ENKUR: variants seen among roughly 807,000 people sequenced by gnomAD.
ENKUR encodes the protein enkurin, TRPC channel interacting protein, also known as enkurin.
A neutral mutation model predicts 27.6 loss-of-function variants in ENKUR; 19 were observed. That is an observed-to-expected ratio of 0.69 (90% CI 0.48 to 1.01). ENKUR has a LOEUF of 1.01. Among genes scored for constraint, ENKUR ranks in the 50% least tolerant of loss-of-function variants. The pLI is 0.00. For missense variants in ENKUR, 312 were observed against 310.5 expected, an observed-to-expected ratio of 1.00 and a Z score of -0.04; for synonymous variants, 117 against 96.9, an observed-to-expected ratio of 1.21 and a Z score of -1.22.
intron 2 of ENKUR, chr10:25,021,738 A>G (rs1451408723): frequency 2.6e-5 from 4 of 152,194 alleles, no homozygotes; most frequent in African/African-American, 7.2e-5. Context: ...TTTTTCCATT[A>G]TAGACTCCAC....
intron 3 of ENKUR, among the ~76,000 whole-genome samples, chr10:24,994,188 A>C (rs1299846761): frequency 6.6e-6 from 1 of 152,006 alleles, no homozygotes; most frequent in Non-Finnish European, 1.5e-5. Context: ...GTCCCTGTAC[A>C]TCACTATTGC....
intron 1 of ENKUR, 41 bp downstream of exon 1, chr10:25,015,819 C>T (rs958291492): frequency 1.3e-6 from 2 of 1,545,448 alleles, no homozygotes; most frequent in Admixed American, 2.0e-5. Flanking sequence ...TGAGTATTCC[C>T]CATTCTTGTT....
chr10:25,017,040 GACCGCCCCTT>G (rs1850607960), upstream of ENKUR, among the ~76,000 whole-genome samples: 1 of 152,084 alleles, frequency 6.6e-6, no homozygotes, highest in Non-Finnish European at 1.5e-5. Flanking sequence ...CTGCTCCCGG[GACCGCCCCTT>G]GGGCGGTCCT....
At chr10:24,993,235 A>G (rs1403652171) in intron 3 of ENKUR, among the ~76,000 whole-genome samples, 1 of 152,214 alleles carries the variant, frequency 6.6e-6, no homozygotes, top group Non-Finnish European at 1.5e-5. Flanking sequence ...AAATATTCCT[A>G]TGGGCTGAAT....
chr10:25,007,822 A>G (rs1850349997), intron 1 of ENKUR, among the ~76,000 whole-genome samples: 1 of 152,108 alleles, frequency 6.6e-6, no homozygotes, highest in Non-Finnish European at 1.5e-5. Context: ...CCTTGCTGAA[A>G]AAAATCCTGT....
At chr10:25,019,251 A>G (rs1311289344), upstream of ENKUR, among the ~76,000 whole-genome samples, 2 of 152,202 alleles carry the variant, frequency 1.3e-5, no homozygotes, top group African/African-American at 4.8e-5. Flanking sequence ...AGGCAGGAAG[A>G]CTGCTTGAGC....
intron 1 of ENKUR, among the ~76,000 whole-genome samples, chr10:25,012,772 C>T (rs1850480247): frequency 6.6e-6 from 1 of 152,134 alleles, no homozygotes; most frequent in Non-Finnish European, 1.5e-5. Flanking sequence ...AGACTTTGAA[C>T]TGTGGACTTC....
intron 2 of ENKUR, among the ~76,000 whole-genome samples, chr10:25,049,248 C>T (rs1020229515): frequency 3.9e-5 from 6 of 152,128 alleles, no homozygotes; most frequent in African/African-American, 1.4e-4. Flanking sequence ...TCTAGGGGTA[C>T]ATTCTCTCAG....
Position 25,024,726 on chromosome 10 carries a change from A to C in ENKUR, c.38-28857T>G, listed in dbSNP as rs181285836. 5.6e-6 allele frequency: 9 copies of C among 1,614,214 alleles called. No homozygotes were observed. The South Asian group carries it at 9.9e-5, about 18-fold the overall frequency. On this transcript the variant is annotated intron_variant, in intron 2 of 5. Coordinates refer to the ENKUR transcript ENST00000615958. ...AAGGATTTATTTCTTTTGGAAGCCC[A>C]GTCGATGTCTGTATTCCCACAGGAA...
chr10:25,022,142 G>C (rs763955005), intron 2 of ENKUR, among the ~76,000 whole-genome samples: 1 of 152,114 alleles, frequency 6.6e-6, no homozygotes, highest in East Asian at 1.9e-4. Flanking sequence ...CATTGCACAG[G>C]TATTATACTG....
chr10:25,025,481 C>G, intron 2 of ENKUR: 2 of 1,575,030 alleles, frequency 1.3e-6, no homozygotes, highest in South Asian at 2.4e-5. Flanking sequence ...ATTTTTTTTT[C>G]TAGCTATAAG....
chr10:24,985,753 CT>C (rs1014881237), intron 4 of ENKUR, among the ~76,000 whole-genome samples: 4 of 152,188 alleles, frequency 2.6e-5, no homozygotes, highest in Non-Finnish European at 5.9e-5. Flanking sequence ...TAAGTCAACA[CT>C]TTTTAATTAT....
At position 24,983,467 on chromosome 10, in the gene ENKUR, T is replaced by G. The variant is rs147987955; in HGVS notation, c.*903A>C. ...CGTAATTATACATTTTGGAGTGTACTGTCACAGCTGTTAGCCTACCCTAAA... is the reference window on the plus strand; with the variant it reads ...CGTAATTATACATTTTGGAGTGTACGGTCACAGCTGTTAGCCTACCCTAAA... On this transcript the variant is annotated 3_prime_UTR_variant, in exon 6 of 6. Transcript: ENST00000331161. 6.6e-6 allele frequency: 1 copy of G among 152,354 alleles called. No individual in the cohort carries two copies. Among genetic ancestry groups the G allele is most frequent in the East Asian group, 1.9e-4 (1 of 5,190 alleles). 9.4% of individuals were successfully genotyped at this position (152,354 alleles called of 1,614,324 possible). A position where few individuals can be genotyped will look rare whatever the true frequency, so the allele number is the denominator to read the frequency against.
intron 1 of ENKUR, among the ~76,000 whole-genome samples, chr10:25,005,236 A>G (rs1346488774): frequency 6.6e-6 from 1 of 152,188 alleles, no homozygotes; most frequent in Non-Finnish European, 1.5e-5. Context: ...TAGAATTATG[A>G]GATATGGGCT....
intron 2 of ENKUR, among the ~76,000 whole-genome samples, chr10:25,042,836 T>G (rs1449253314): frequency 6.9e-6 from 1 of 144,908 alleles, no homozygotes; most frequent in Non-Finnish European, 1.5e-5. Flanking sequence ...GGTGACAGAG[T>G]GAGACTGTCT....
At chr10:24,995,447 T>A (rs1462109389) in intron 3 of ENKUR, among the ~76,000 whole-genome samples, 199 bp downstream of exon 3, 3 of 152,220 alleles carry the variant, frequency 2.0e-5, no homozygotes, top group African/African-American at 4.8e-5. Flanking sequence ...CTGAACTATA[T>A]GGAATTGTTT....
At chr10:24,985,127 A>AT (rs1849753606) in intron 4 of ENKUR, among the ~76,000 whole-genome samples, 1 of 152,188 alleles carries the variant, frequency 6.6e-6, no homozygotes, top group Admixed American at 6.5e-5. Flanking sequence ...CACTGGGAGT[A>AT]TTTGTTTGCT....
intron 2 of ENKUR, among the ~76,000 whole-genome samples, chr10:25,057,409 AC>A (rs1180076590): frequency 4.7e-5 from 7 of 149,590 alleles, no homozygotes; most frequent in African/African-American, 9.8e-5. Flanking sequence ...ACACACACAC[AC>A]ACACACACAC....
intron 1 of ENKUR, 29 bp downstream of exon 1, chr10:25,015,831 C>G (rs771069157): frequency 6.4e-7 from 1 of 1,569,500 alleles, no homozygotes. Context: ...ATTCTTGTTT[C>G]AAGTGATAGT....
Sources: gnomAD v4.1 joint callset for allele counts (sites outside exome capture counted in the v4.1 genomes callset) on GRCh38, gnomAD v4.1.1 for gene constraint, MANE v1.5 for transcripts, NCBI Gene and HGNC (gene_info 2026-07-23, HGNC 2026-07-21) for gene names.